The following HS3ST2 variants were observed in gnomAD, a reference collection of about 807,000 sequenced individuals.
The protein encoded by HS3ST2 is heparan sulfate glucosamine 3-O-sulfotransferase 2.
HS3ST2 carries 17 observed loss-of-function variants against 26.3 expected under a neutral mutation model. The observed-to-expected ratio is 0.65, with a 90% CI of 0.44 to 0.97. The LOEUF (loss-of-function observed/expected upper bound fraction) is 0.97, where lower values mean the gene tolerates loss of function less well. HS3ST2 is among the 50% of genes least tolerant of loss of function. The probability of loss-of-function intolerance (pLI) is 0.00; values close to 1 mark genes in which losing one functional copy is unlikely to be tolerated. For synonymous variants in HS3ST2, 237 were observed against 219.2 expected, an observed-to-expected ratio of 1.08 and a Z score of -0.72; for missense variants, 402 against 501.2, an observed-to-expected ratio of 0.80 and a Z score of 1.89.
rs75565912 is a variant in HS3ST2 at position 22,880,598 on chromosome 16, C to T, written c.486-34346C>T. Reference sequence around the variant, plus strand: ...CCACTTTGATTTTTCTCTAGGAAGCCTTTTGTGCCATGTGGCCCAGGCTGA... The same window carrying T: ...CCACTTTGATTTTTCTCTAGGAAGCTTTTTGTGCCATGTGGCCCAGGCTGA... On this transcript the variant is annotated intron_variant, in intron 1 of 1. Coordinates refer to ENST00000261374, the MANE Select transcript of HS3ST2 (RefSeq NM_006043.2). Among the ~76,000 whole-genome samples, 1,280 of 152,254 alleles carry T rather than the reference C, an allele frequency of 8.4e-3. 4 individuals are homozygous for T. Among genetic ancestry groups the T allele is most frequent in the Non-Finnish European group, 0.013 (852 of 68,002 alleles).
rs374546883 is a variant in HS3ST2 at position 22,814,945 on chromosome 16, A to G, written c.335A>G (p.Lys112Arg). ...NHSGSPKLGT[K>R]RLPQALIVGV... ...TCCGGCTCACCCAAGCTGGGTACCAAGCGGTTGCCCCAAGCCCTCATTGTG... is the reference window on the plus strand; with the variant it reads ...TCCGGCTCACCCAAGCTGGGTACCAGGCGGTTGCCCCAAGCCCTCATTGTG... Residue 112 changes from lysine (K) to arginine (R), a missense_variant, in exon 1 of 2, where the codon AAG becomes AGG. Around this residue, in one of 2 missense-constraint regions of HS3ST2, gnomAD observed 237 missense variants for 346.6 expected, o/e 0.68. Coordinates refer to ENST00000261374, the MANE Select transcript of HS3ST2 (RefSeq NM_006043.2). 2 of 1,610,788 alleles carry G rather than the reference A, an allele frequency of 1.2e-6. No homozygotes were observed. The highest frequency in any genetic ancestry group is 1.7e-6 in the Non-Finnish European group (2 of 1,179,122).
intron 1 of HS3ST2, among the ~76,000 whole-genome samples, chr16:22,867,644 AT>A (rs1265298780): frequency 6.6e-6 from 1 of 152,250 alleles, no homozygotes; most frequent in Non-Finnish European, 1.5e-5. Context: ...CATGAAAAAA[AT>A]GGAGCAAAAT....
chr16:22,891,701 A>C (rs78621285), intron 1 of HS3ST2, among the ~76,000 whole-genome samples: 2 of 152,122 alleles, frequency 1.3e-5, no homozygotes, highest in African/African-American at 4.8e-5. Context: ...TATGTCTCGC[A>C]ATAAAAAATG....
chr16:22,902,338 A>G (rs1902290840), intron 1 of HS3ST2, among the ~76,000 whole-genome samples: 1 of 152,222 alleles, frequency 6.6e-6, no homozygotes, highest in Non-Finnish European at 1.5e-5. Flanking sequence ...TAGCTGCTAT[A>G]ACAAACAAAC....
rs926679766 is a variant in HS3ST2, at chr16:22,882,860, G to A, written c.486-32084G>A. ...ATCCTGGCCAACATGTTGAAACTCC[G>A]TCTCAACTAAAAACACAAAAGTTAG... On this transcript the variant is annotated intron_variant, in intron 1 of 1. Transcript: ENST00000261374. 4.6e-5 allele frequency among the ~76,000 whole-genome samples: 7 copies of A among 151,796 alleles called. No homozygotes were observed. In the East Asian group the frequency reaches 1.4e-3, roughly 29 times the overall value.
chr16:22,887,911 A>G (rs1355609829), intron 1 of HS3ST2, among the ~76,000 whole-genome samples: 1 of 152,184 alleles, frequency 6.6e-6, no homozygotes, highest in Non-Finnish European at 1.5e-5. Context: ...TGATCATGCC[A>G]CTGCAAGCCA....
chr16:22,850,861 C>A (rs528720692), intron 1 of HS3ST2, among the ~76,000 whole-genome samples: 1 of 152,112 alleles, frequency 6.6e-6, no homozygotes, highest in Non-Finnish European at 1.5e-5. Context: ...CTCATACAGC[C>A]GCAGTTCTGC....
intron 1 of HS3ST2, among the ~76,000 whole-genome samples, chr16:22,854,290 A>T (rs147716469): frequency 6.6e-6 from 1 of 152,150 alleles, no homozygotes; most frequent in Non-Finnish European, 1.5e-5. Flanking sequence ...CTGAGTATTT[A>T]TAGAGTTCTT....
chr16:22,817,668 C>T, intron 1 of HS3ST2, among the ~76,000 whole-genome samples: 1 of 152,222 alleles, frequency 6.6e-6, no homozygotes, highest in East Asian at 1.9e-4. Flanking sequence ...CAGTTCACAG[C>T]TTGCCATCAT....
chr16:22,851,515 C>G (rs879455340), intron 1 of HS3ST2, among the ~76,000 whole-genome samples: 1 of 152,140 alleles, frequency 6.6e-6, no homozygotes, highest in Non-Finnish European at 1.5e-5. Context: ...CAGCTGTCTC[C>G]TCACTGGAGT....
rs757441609 is a variant in HS3ST2, at chr16:22,814,841, G to A, written c.231G>A (p.Gly77=). Residue 77 remains glycine, a synonymous_variant, in exon 1 of 2, where the codon GGG becomes GGA. Coordinates refer to ENST00000261374, the MANE Select transcript of HS3ST2 (RefSeq NM_006043.2). ...LQKSRPCDPS[G]PTPSEPSAPS... ...AGTCCCGCCCCTGTGATCCCTCCGG[G>A]CCGACGCCCAGCGAGCCCAGCGCTC... The A allele has an allele frequency of 1.3e-5, 20 of 1,567,914 alleles. No individual in the cohort carries two copies. The Middle Eastern group carries it at 6.7e-4, about 52-fold the overall frequency.
At chr16:22,837,566 CAT>C (rs555444161) in intron 1 of HS3ST2, among the ~76,000 whole-genome samples, 2,946 of 133,970 alleles carry the variant, frequency 0.022, 97 homozygotes, top group African/African-American at 0.071. Flanking sequence ...TATATATATA[CAT>C]ATATATATAT....
chr16:22,898,719 C>T (rs1461204262), intron 1 of HS3ST2, among the ~76,000 whole-genome samples: 1 of 152,172 alleles, frequency 6.6e-6, no homozygotes, highest in Non-Finnish European at 1.5e-5. Context: ...TTTGAACCTG[C>T]AGGAGTATTA....
At chr16:22,846,727 A>G (rs746744837) in intron 1 of HS3ST2, among the ~76,000 whole-genome samples, 1 of 152,160 alleles carries the variant, frequency 6.6e-6, no homozygotes, top group Non-Finnish European at 1.5e-5. Flanking sequence ...ATTGCTGTCA[A>G]ATTAAACATA....
At chr16:22,906,590 T>G (rs1902357291) in intron 1 of HS3ST2, among the ~76,000 whole-genome samples, 1 of 152,188 alleles carries the variant, frequency 6.6e-6, no homozygotes, top group African/African-American at 2.4e-5. Flanking sequence ...AGAAATGGCA[T>G]GAGACGTTCC....
intron 1 of HS3ST2, among the ~76,000 whole-genome samples, chr16:22,899,377 G>A (rs146161949): frequency 1.4e-4 from 21 of 152,278 alleles, no homozygotes; most frequent in African/African-American, 5.1e-4. Context: ...GATATTGAGA[G>A]CACTACATTC....
chr16:22,873,045 C>T (rs145189412), intron 1 of HS3ST2, among the ~76,000 whole-genome samples: 1 of 152,278 alleles, frequency 6.6e-6, no homozygotes, highest in East Asian at 1.9e-4. Flanking sequence ...GTGATGATAA[C>T]AATATTTACT....
At chr16:22,866,200 T>C (rs1901746772) in intron 1 of HS3ST2, among the ~76,000 whole-genome samples, 2 of 147,858 alleles carry the variant, frequency 1.4e-5, no homozygotes, top group South Asian at 2.3e-4. Flanking sequence ...GAGAAGTCAT[T>C]GTTTTGTGAT....
intron 1 of HS3ST2, among the ~76,000 whole-genome samples, chr16:22,893,445 T>A (rs1902157210): frequency 6.6e-6 from 1 of 152,182 alleles, no homozygotes; most frequent in African/African-American, 2.4e-5. Context: ...CCTTCCTGAT[T>A]TCTTAAGATT....
Sources: allele counts gnomAD v4.1 joint callset (sites outside exome capture counted in the v4.1 genomes callset), GRCh38; gene constraint gnomAD v4.1.1; regional missense constraint gnomAD v4.1.1; transcripts MANE v1.5; gene names NCBI Gene and HGNC (gene_info 2026-07-23, HGNC 2026-07-21).